The following PEX26 variants were observed in gnomAD, a reference collection of about 807,000 sequenced individuals.
PEX26 encodes the protein peroxisome assembly protein 26.
A neutral mutation model predicts 31.4 loss-of-function variants in PEX26; 18 were observed. The ratio of observed to expected loss-of-function variants is 0.57; its 90% CI spans 0.40 to 0.85. The LOEUF (loss-of-function observed/expected upper bound fraction) is 0.85, where lower values mean the gene tolerates loss of function less well. Ranked by LOEUF, PEX26 falls within the 40% of genes least tolerant of loss-of-function variation. The pLI is 0.00. For synonymous variants in PEX26, 176 were observed against 166.9 expected (o/e 1.05, Z -0.42); for missense variants, 377 against 383.9 (o/e 0.98, Z 0.15).
chr22:18,082,431 C>T (rs796641897), intron 2 of PEX26, among the ~76,000 whole-genome samples: 5 of 152,186 alleles, frequency 3.3e-5, no homozygotes, highest in South Asian at 2.1e-4. Context: ...TATGGATATC[C>T]GATTTTCCCA....
intron 2 of PEX26, 59 bp downstream of exon 2, chr22:18,080,073 T>C: frequency 1.9e-6 from 3 of 1,555,552 alleles, no homozygotes; most frequent in Non-Finnish European, 2.7e-6. Context: ...TTTCATCTCC[T>C]CTCCTAAATA....
Position 18,083,617 on chromosome 22 carries a change from T to C in PEX26, c.552T>C (p.Ser184=). 6.2e-7 allele frequency: 1 copy of C among 1,614,060 alleles called. No individual in the cohort carries two copies. The highest frequency in any genetic ancestry group is 8.5e-7 in the Non-Finnish European group (1 of 1,179,968). Residue 184 remains serine (S), a synonymous_variant, in exon 3 of 5, where the codon TCT becomes TCC. Coordinates refer to ENST00000399744, the MANE Select transcript of PEX26 (RefSeq NM_001127649.3). Reference sequence around the variant, plus strand: ...AGGCTGAGGAGCTAGTGGTGGGCTCTGCAGCCTTTGGTGAGGAGCGGCGAC... The same window carrying C: ...AGGCTGAGGAGCTAGTGGTGGGCTCCGCAGCCTTTGGTGAGGAGCGGCGAC... ...LSEAEELVVG[S]AAFGEERRLD... is the part of the protein sequence containing the mutation.
rs774880307 is a variant in PEX26 at position 18,088,062 on chromosome 22, G to A, written c.905G>A (p.Arg302His). Residue 302 changes from arginine to histidine, a missense_variant, in exon 5 of 5, where the codon CGC becomes CAC. Arg to His is a conservative substitution (Grantham distance 29). Transcript: ENST00000399744. This position sits in a 1 kb window ranked among gnomAD's most constrained non-coding sequence, Gnocchi z 4.1. ...KAAFSRLYQL[R>H]IRD is the part of the protein sequence containing the mutation. ...GCATTTTCTCGCCTCTACCAGCTCC[G>A]CATCCGTGACTGAGGGTCCCTGCGC... The A allele has an allele frequency of 4.4e-6, 7 of 1,609,002 alleles. No individual in the cohort carries two copies. Among genetic ancestry groups the A allele is most frequent in the Admixed American group, 1.7e-5 (1 of 59,990 alleles).
Position 18,078,041 on chromosome 22 carries a change from A to G in PEX26, c.-336A>G, listed in dbSNP as rs1926360415. 2 of 499,432 alleles carry G rather than the reference A, an allele frequency of 4.0e-6. No homozygotes were observed. The highest frequency in any genetic ancestry group is 2.4e-5 in the Admixed American group (1 of 42,418). The allele number at this position is 499,432 out of a possible 1,614,324, so 30.9% of individuals were successfully genotyped here. A position where few individuals can be genotyped will look rare whatever the true frequency, so the allele number is the denominator to read the frequency against. On this transcript the variant is annotated 5_prime_UTR_variant, in exon 1 of 5. Transcript: ENST00000399744. The stretch of plus-strand genomic sequence containing the variant: ...AAAGATGTCCGCGCCCGCTGCCGGG[A>G]GGCGAGGTGAGTCTTTGATCGTAAC...
intron 1 of PEX26, chr22:18,078,825 TTTGCTCC>T: frequency 1.4e-6 from 1 of 699,442 alleles, no homozygotes; most frequent in Non-Finnish European, 2.6e-6. Flanking sequence ...CAGCCAATTA[TTTGCTCC>T]TTGTTCCAAG....
intron 1 of PEX26, chr22:18,079,220 C>T: frequency 1.0e-6 from 1 of 985,400 alleles, no homozygotes; most frequent in South Asian, 4.7e-5. Context: ...CTTGGGCTTG[C>T]ATTGCTCTTT....
intron 1 of PEX26, chr22:18,079,172 C>T (rs1926445022): frequency 1.0e-6 from 1 of 980,456 alleles, no homozygotes; most frequent in African/African-American, 1.8e-5. Context: ...TCTTCTCTAC[C>T]AAAAAGAAGA....
In PEX26 at chr22:18,088,702, G is replaced by C. The variant is rs963824512; in HGVS notation, c.*627G>C. 3.5e-5 allele frequency: 6 copies of C among 173,104 alleles called. No individual in the cohort carries two copies. The highest frequency in any genetic ancestry group is 1.4e-4 in the African/African-American group (6 of 41,752). 10.7% of individuals were successfully genotyped at this position (173,104 alleles called of 1,614,324 possible). A position where few individuals can be genotyped will look rare whatever the true frequency, so the allele number is the denominator to read the frequency against. On this transcript the variant is annotated 3_prime_UTR_variant, in exon 5 of 5. Coordinates refer to ENST00000399744, the MANE Select transcript of PEX26 (RefSeq NM_001127649.3). The surrounding 1 kb of genome is among the most constrained non-coding windows in gnomAD (Gnocchi z 4.1). ...GAGGCAGGAGAATCACTTGAGCCAG[G>C]GAGGCAAAAGTTGCAGTGAGCTGAG...
At chr22:18,083,350 A>G in intron 2 of PEX26, 87 bp from the exon 3 acceptor site, 2 of 1,352,738 alleles carry the variant, frequency 1.5e-6, no homozygotes, top group Middle Eastern at 2.5e-4. Flanking sequence ...GGGGCTGGAT[A>G]GGAGAAGCAT....
In PEX26 at chr22:18,078,509, C is replaced by T. The variant is rs1216804708; in HGVS notation, c.133C>T (p.Leu45=). 1 of 1,571,902 alleles carries T rather than the reference C, an allele frequency of 6.4e-7. No individual in the cohort carries two copies. The highest frequency in any genetic ancestry group is 8.6e-7 in the Non-Finnish European group (1 of 1,161,960). Residue 45 remains leucine (L), a synonymous_variant, in exon 1 of 5, where the codon CTG becomes TTG. Coordinates refer to ENST00000399744, the MANE Select transcript of PEX26 (RefSeq NM_001127649.3). ...VDLLEEAADL[L]VVHLDFRAAL... ...CCTTCTGGAGGAGGCGGCCGACCTCCTGGTGGTGCACCTGGACTTCCGGGC... is the reference window on the plus strand; with the variant it reads ...CCTTCTGGAGGAGGCGGCCGACCTCTTGGTGGTGCACCTGGACTTCCGGGC...
intron 2 of PEX26, among the ~76,000 whole-genome samples, chr22:18,082,719 G>GT (rs1926667445): frequency 6.6e-6 from 1 of 152,136 alleles, no homozygotes; most frequent in Admixed American, 6.5e-5. Context: ...TTTCAGGATT[G>GT]TTTTTTCTGT....
At position 18,097,591 on chromosome 22, in the gene PEX26, C is replaced by T. The variant is rs771305467; in HGVS notation, c.*9516C>T. ...GCCATTAGTTTTAAATTTACTCTTCCAGAGGTAAATTTAATACACCAATAC... is the reference window on the plus strand; with the variant it reads ...GCCATTAGTTTTAAATTTACTCTTCTAGAGGTAAATTTAATACACCAATAC... On this transcript the variant is annotated 3_prime_UTR_variant, in exon 5 of 5. Transcript: ENST00000399744. 1 of 151,608 alleles carries T rather than the reference C, an allele frequency of 6.6e-6. No individual in the cohort carries two copies. The highest frequency in any genetic ancestry group is 1.5e-5 in the Non-Finnish European group (1 of 67,952). 9.4% of individuals were successfully genotyped at this position (151,608 alleles called of 1,614,324 possible). A position where few individuals can be genotyped will look rare whatever the true frequency, so the allele number is the denominator to read the frequency against.
rs1329175155 is a variant in PEX26 at position 18,099,727 on chromosome 22, G to A, written c.*11652G>A. The A allele has an allele frequency of 3.3e-5, 5 of 152,212 alleles. No individual in the cohort carries two copies. The highest frequency in any genetic ancestry group is 4.4e-5 in the Non-Finnish European group (3 of 68,050). The allele number at this position is 152,212 out of a possible 1,614,324, so 9.4% of individuals were successfully genotyped here. A position where few individuals can be genotyped will look rare whatever the true frequency, so the allele number is the denominator to read the frequency against. On this transcript the variant is annotated 3_prime_UTR_variant, in exon 5 of 5. Transcript: ENST00000399744. ...GCCAAAGCCTCTGCCTCTGAAGGCT[G>A]TAGGCAAGATTCCTTCCTTGTTTCT...
chr22:18,082,415 C>T (rs1360733125), intron 2 of PEX26, among the ~76,000 whole-genome samples: 1 of 152,098 alleles, frequency 6.6e-6, no homozygotes, highest in African/African-American at 2.4e-5. Context: ...GGTCTGGTCT[C>T]CTGCATATGG....
Position 18,078,614 on chromosome 22 carries a change from C to A in PEX26, c.230+8C>A. The stretch of plus-strand genomic sequence containing the variant: ...AGAGGAACCCGCGGGCACGTACGTG[C>A]TGGGCTCGGAAATGAACCGATTTCC... On this transcript the variant is annotated splice_region_variant and intron_variant, in intron 1 of 4. Transcript: ENST00000399744. 1 of 1,596,124 alleles carries A rather than the reference C, an allele frequency of 6.3e-7. No individual in the cohort carries two copies.
At chr22:18,081,258 A>ATATATATATATATATATG (rs1569187039) in intron 2 of PEX26, among the ~76,000 whole-genome samples, 2 of 149,548 alleles carry the variant, frequency 1.3e-5, no homozygotes, top group Non-Finnish European at 2.9e-5. Flanking sequence ...ACACACACAC[A>ATATATATATATATATATG]CACACACACA....
rs1026519643 is a variant in PEX26 at position 18,099,323 on chromosome 22, C to T, written c.*11248C>T. On this transcript the variant is annotated 3_prime_UTR_variant, in exon 5 of 5. Coordinates refer to ENST00000399744, the MANE Select transcript of PEX26 (RefSeq NM_001127649.3). The stretch of plus-strand genomic sequence containing the variant: ...TCAAATTGACCAGGGCAAAAAATAG[C>T]CTGGGGCCTAGCATGGCTCTGCTGC... 2.6e-5 allele frequency: 4 copies of T among 152,150 alleles called. No individual in the cohort carries two copies. The highest frequency in any genetic ancestry group is 9.7e-5 in the African/African-American group (4 of 41,434). The allele number at this position is 152,150 out of a possible 1,614,324, so 9.4% of individuals were successfully genotyped here.
rs1176755898 is a variant in PEX26, at chr22:18,094,836, A to AG, written c.*6762dup. ...GCTCTTGTCACCTAGGCTGGAGTGC[A>AG]GTGGTGCGATCTCGGCTCACTGCAC... is the stretch of plus-strand genomic sequence containing the variant. On this transcript the variant is annotated 3_prime_UTR_variant, in exon 5 of 5. Coordinates refer to ENST00000399744, the MANE Select transcript of PEX26 (RefSeq NM_001127649.3). The AG allele has an allele frequency of 1.4e-5, 2 of 146,386 alleles. No individual in the cohort carries two copies. The highest frequency in any genetic ancestry group is 5.1e-5 in the African/African-American group (2 of 39,130). The allele number at this position is 146,386 out of a possible 1,614,324, so 9.1% of individuals were successfully genotyped here. A position where few individuals can be genotyped will look rare whatever the true frequency, so the allele number is the denominator to read the frequency against.
rs1166564462 is a variant in PEX26 at position 18,078,715 on chromosome 22, C to T, written c.230+109C>T. Reference sequence around the variant, plus strand: ...ATTGCCCACAAGGAGCTTTACACCTCGCTTTCATCAGTGGTTTGTCTCCGA... The same window carrying T: ...ATTGCCCACAAGGAGCTTTACACCTTGCTTTCATCAGTGGTTTGTCTCCGA... On this transcript the variant is annotated intron_variant, in intron 1 of 4. Coordinates refer to ENST00000399744, the MANE Select transcript of PEX26 (RefSeq NM_001127649.3). 5 of 979,196 alleles carry T rather than the reference C, an allele frequency of 5.1e-6. No individual in the cohort carries two copies. In the African/African-American group the frequency reaches 8.0e-5, roughly 16 times the overall value. The allele number at this position is 979,196 out of a possible 1,614,324, so 60.7% of individuals were successfully genotyped here.
Sources: allele counts gnomAD v4.1 joint callset (sites outside exome capture counted in the v4.1 genomes callset), GRCh38; gene constraint gnomAD v4.1.1; non-coding constraint Gnocchi (gnomAD v3.1); transcripts MANE v1.5; gene names NCBI Gene and HGNC (gene_info 2026-07-23, HGNC 2026-07-21).